Variants in LRRC2 observed in about 807,000 individuals in gnomAD.
LRRC2 encodes the protein leucine-rich repeat-containing protein 2.
In LRRC2, 27 loss-of-function variants were observed where a neutral mutation model predicts 40.2. The observed-to-expected ratio is 0.67, with a 90% CI of 0.49 to 0.93. LRRC2 has a LOEUF of 0.93. LRRC2 is among the 40% of genes least tolerant of loss of function. The pLI, the probability that LRRC2 is intolerant of heterozygous loss-of-function variation, is 0.00. For synonymous variants in LRRC2, 147 were observed against 158.9 expected (o/e 0.92, Z 0.56); for missense variants, 402 against 439.6 (o/e 0.91, Z 0.76).
chr3:46,565,252 T>A (rs1240970528), intron 1 of LRRC2, among the ~76,000 whole-genome samples: 4 of 152,094 alleles, frequency 2.6e-5, no homozygotes, highest in Admixed American at 6.5e-5. Context: ...GCCTACCCAC[T>A]CTCTGGCCAC....
rs1703868169 is a variant in LRRC2 at position 46,516,704 on chromosome 3, A to T, written c.*2310T>A. 6.6e-6 allele frequency: 1 copy of T among 152,256 alleles called. No homozygotes were observed. Among genetic ancestry groups the T allele is most frequent in the Non-Finnish European group, 1.5e-5 (1 of 68,088 alleles). The allele number at this position is 152,256 out of a possible 1,614,324, so 9.4% of individuals were successfully genotyped here. On this transcript the variant is annotated 3_prime_UTR_variant, in exon 9 of 9. Coordinates refer to ENST00000395905, the MANE Select transcript of LRRC2 (RefSeq NM_024512.5). ...TTCCTAGGCACTGATAACGGTGCTT[A>T]GGTTGTTGCTGGAAACACTGAAAGA...
At chr3:46,522,242 G>A (rs1485754739) in intron 7 of LRRC2, among the ~76,000 whole-genome samples, 1 of 151,938 alleles carries the variant, frequency 6.6e-6, no homozygotes, top group Non-Finnish European at 1.5e-5. Flanking sequence ...GGGTGTGGTG[G>A]CAGGCGCCTA....
chr3:46,545,246 C>T lies in LRRC2; in HGVS notation c.133G>A (p.Glu45Lys). The T allele has an allele frequency of 6.2e-7, 1 of 1,614,036 alleles. No individual in the cohort carries two copies. ...CATTCGGCCACAAAGTTCCACTCCT[C>T]CTTTATCCTAAAACAGGCAGCAGGG... ...LEKSALEKIK[E>K]EWNFVAECRR... Residue 45 changes from glutamate to lysine, a missense_variant, in exon 3 of 9, where the codon GAG (glutamate) becomes AAG (lysine). Glu to Lys is a moderately conservative substitution (Grantham distance 56). Coordinates refer to ENST00000395905, the MANE Select transcript of LRRC2 (RefSeq NM_024512.5).
chr3:46,565,063 T>C (rs1470743877), intron 1 of LRRC2, among the ~76,000 whole-genome samples: 1 of 152,242 alleles, frequency 6.6e-6, no homozygotes. Flanking sequence ...GTAAGGTCAG[T>C]ATAGTCAGCC....
intron 3 of LRRC2, 69 bp from the exon 4 acceptor site, chr3:46,539,270 C>A (rs988417109): frequency 3.7e-5 from 54 of 1,461,566 alleles, no homozygotes; most frequent in Middle Eastern, 3.5e-4. Flanking sequence ...TAAAACCAAG[C>A]ATTTATTTTA....
At chr3:46,544,925 T>C in intron 3 of LRRC2, 121 bp downstream of exon 3, 4 of 962,002 alleles carry the variant, frequency 4.2e-6, no homozygotes, top group African/African-American at 1.6e-5. Context: ...TGCGTTTCAC[T>C]GAGGAAGGGA....
intron 5 of LRRC2, among the ~76,000 whole-genome samples, chr3:46,530,468 T>C (rs1223410146): frequency 2.0e-5 from 3 of 151,984 alleles, no homozygotes; most frequent in Non-Finnish European, 2.9e-5. Flanking sequence ...TAATCCCAAC[T>C]ACTTGGGAGG....
chr3:46,533,014 A>G, intron 4 of LRRC2, 105 bp from the exon 5 acceptor site: 1 of 1,176,874 alleles, frequency 8.5e-7, no homozygotes, highest in Non-Finnish European at 1.2e-6. Flanking sequence ...ATGATGGGGA[A>G]GGAACTAAAC....
rs1418765996 is a variant in LRRC2 at position 46,517,009 on chromosome 3, C to T, written c.*2005G>A. ...TGGAGCACTCTCTCATGGGAATTTT[C>T]CATCAGGTCAAACCCAAGGCTGGAG... On this transcript the variant is annotated 3_prime_UTR_variant, in exon 9 of 9. Coordinates refer to ENST00000395905, the MANE Select transcript of LRRC2 (RefSeq NM_024512.5). The T allele has an allele frequency of 6.6e-6, 1 of 152,204 alleles. No individual in the cohort carries two copies. Among genetic ancestry groups the T allele is most frequent in the Non-Finnish European group, 1.5e-5 (1 of 68,044 alleles). The allele number at this position is 152,204 out of a possible 1,614,324, so 9.4% of individuals were successfully genotyped here. A position where few individuals can be genotyped will look rare whatever the true frequency, so the allele number is the denominator to read the frequency against.
At chr3:46,522,686 C>T (rs1703985237) in intron 7 of LRRC2, among the ~76,000 whole-genome samples, 1 of 151,552 alleles carries the variant, frequency 6.6e-6, no homozygotes. Flanking sequence ...GCACTCTAGC[C>T]TGGGCAATAG....
chr3:46,528,513 G>A (rs749152617), intron 6 of LRRC2, among the ~76,000 whole-genome samples: 1 of 152,182 alleles, frequency 6.6e-6, no homozygotes, highest in Non-Finnish European at 1.5e-5. Flanking sequence ...CAACTGCGGA[G>A]TGAAAAGTAA....
chr3:46,541,174 A>G (rs976644146), intron 3 of LRRC2, among the ~76,000 whole-genome samples: 2 of 152,190 alleles, frequency 1.3e-5, no homozygotes, highest in Middle Eastern at 3.4e-3. Flanking sequence ...TCTACTAAAA[A>G]TACAAAACAT....
chr3:46,525,387 A>C (rs1704041426), intron 7 of LRRC2, among the ~76,000 whole-genome samples: 1 of 151,780 alleles, frequency 6.6e-6, no homozygotes, highest in African/African-American at 2.4e-5. Flanking sequence ...AGTACCTAGG[A>C]CTACAGGGGC....
intron 1 of LRRC2, among the ~76,000 whole-genome samples, chr3:46,552,441 T>A (rs1704680697): frequency 6.6e-6 from 1 of 152,128 alleles, no homozygotes; most frequent in South Asian, 2.1e-4. Context: ...AGTCCCCTTT[T>A]GTTGGTAGAA....
intron 5 of LRRC2, among the ~76,000 whole-genome samples, chr3:46,530,302 G>A (rs549131320): frequency 2.0e-5 from 3 of 152,246 alleles, no homozygotes; most frequent in African/African-American, 7.2e-5. Flanking sequence ...AGTGCAAGCT[G>A]GGCGTGGTTG....
intron 4 of LRRC2, among the ~76,000 whole-genome samples, chr3:46,534,597 A>T (rs113048851): frequency 6.6e-6 from 1 of 152,250 alleles, no homozygotes; most frequent in African/African-American, 2.4e-5. Flanking sequence ...TAAACTGGGG[A>T]TCATCTGTAA....
chr3:46,560,124 G>C (rs1401230369), intron 1 of LRRC2, among the ~76,000 whole-genome samples: 1 of 152,146 alleles, frequency 6.6e-6, no homozygotes, highest in African/African-American at 2.4e-5. Context: ...GACCTCTCTA[G>C]ACAACTGGAC....
intron 1 of LRRC2, among the ~76,000 whole-genome samples, chr3:46,556,771 G>A (rs1704807984): frequency 6.6e-6 from 1 of 151,724 alleles, no homozygotes; most frequent in Non-Finnish European, 1.5e-5. Context: ...TAGAGACAGG[G>A]TTTCACCATG....
intron 1 of LRRC2, chr3:46,559,030 A>AAAGT (rs1704877265): frequency 6.6e-6 from 1 of 152,098 alleles, no homozygotes; most frequent in Non-Finnish European, 1.5e-5. Flanking sequence ...AGTCAATAAT[A>AAAGT]AAGTATTGCA....
Sources: gnomAD v4.1 joint callset for allele counts (sites outside exome capture counted in the v4.1 genomes callset) on GRCh38, gnomAD v4.1.1 for gene constraint, MANE v1.5 for transcripts, NCBI Gene and HGNC (gene_info 2026-07-23, HGNC 2026-07-21) for gene names.